The following KIAA1217 variants were observed in gnomAD, a reference collection of about 807,000 sequenced individuals.
KIAA1217 encodes the protein sickle tail protein homolog.
In KIAA1217, 88 loss-of-function variants were observed where a neutral mutation model predicts 163.9. The observed-to-expected ratio is 0.54, with a 90% CI of 0.45 to 0.64. The LOEUF (loss-of-function observed/expected upper bound fraction) is 0.64. Among genes scored for constraint, KIAA1217 ranks in the 30% least tolerant of loss-of-function variants. KIAA1217 has a pLI of 0.00. For synonymous variants in KIAA1217, 903 were observed against 923.1 expected, an observed-to-expected ratio of 0.98 and a Z score of 0.39; for missense variants, 2,372 against 2,475.0, an observed-to-expected ratio of 0.96 and a Z score of 0.88.
At chr10:24,118,160 A>C (rs1273681047) in intron 2 of KIAA1217, among the ~76,000 whole-genome samples, 2 of 151,980 alleles carry the variant, frequency 1.3e-5, no homozygotes, top group Non-Finnish European at 2.9e-5. Flanking sequence ...TTAAAAAAAA[A>C]AAAAAAAAGA....
At chr10:23,792,556 G>T (rs921957000) in intron 1 of KIAA1217, among the ~76,000 whole-genome samples, 4 of 151,380 alleles carry the variant, frequency 2.6e-5, no homozygotes, top group African/African-American at 9.7e-5. Flanking sequence ...GCAGTGATGC[G>T]ATCTTGGCTC....
chr10:23,799,201 A>C (rs1414605362), intron 1 of KIAA1217, among the ~76,000 whole-genome samples: 1 of 152,106 alleles, frequency 6.6e-6, no homozygotes, highest in Non-Finnish European at 1.5e-5. Flanking sequence ...TTGAGGCCCA[A>C]CCCTAACAAC....
intron 5 of KIAA1217, among the ~76,000 whole-genome samples, chr10:24,463,715 A>G (rs16924790): frequency 0.011 from 1,681 of 152,368 alleles, 36 homozygotes; most frequent in African/African-American, 0.038. Flanking sequence ...TCACAATACT[A>G]TTGGCCTTGC....
chr10:24,346,256 G>C (rs954153808), intron 2 of KIAA1217, among the ~76,000 whole-genome samples: 1 of 152,078 alleles, frequency 6.6e-6, no homozygotes, highest in African/African-American at 2.4e-5. Context: ...ACCAGGTCCG[G>C]AGATCGAGAC....
chr10:24,063,850 C>A (rs562291287), intron 2 of KIAA1217, among the ~76,000 whole-genome samples: 65 of 152,292 alleles, frequency 4.3e-4, no homozygotes, highest in African/African-American at 1.5e-3. Flanking sequence ...TTGAAGAAGT[C>A]CTTCACATCC....
chr10:23,737,051 A>T (rs1838846722), intron 1 of KIAA1217, among the ~76,000 whole-genome samples: 1 of 152,216 alleles, frequency 6.6e-6, no homozygotes, highest in Non-Finnish European at 1.5e-5. Context: ...ACCCGTGAAC[A>T]TGGTTTCTTT....
intron 2 of KIAA1217, among the ~76,000 whole-genome samples, chr10:24,013,360 C>T (rs1589233709): frequency 6.6e-6 from 1 of 151,566 alleles, no homozygotes; most frequent in African/African-American, 2.4e-5. Flanking sequence ...TTTCAATATA[C>T]ATCTATATAT....
chr10:24,092,406 C>G (rs553771672), intron 2 of KIAA1217, among the ~76,000 whole-genome samples: 2 of 151,610 alleles, frequency 1.3e-5, no homozygotes, highest in South Asian at 4.2e-4. Context: ...CCCAGCAATC[C>G]CACTCCCAAC....
At chr10:24,196,963 C>G (rs1327593949) in intron 2 of KIAA1217, among the ~76,000 whole-genome samples, 1 of 152,156 alleles carries the variant, frequency 6.6e-6, no homozygotes, top group Non-Finnish European at 1.5e-5. Flanking sequence ...TCTGGAGTGC[C>G]TACTATATGC....
intron 2 of KIAA1217, among the ~76,000 whole-genome samples, chr10:24,114,628 G>A (rs1009188676): frequency 1.3e-5 from 2 of 152,160 alleles, no homozygotes; most frequent in African/African-American, 2.4e-5. Context: ...GAACAGACAC[G>A]AGAAATTAAC....
At chr10:23,765,941 T>C (rs1834497471) in intron 1 of KIAA1217, among the ~76,000 whole-genome samples, 1 of 152,234 alleles carries the variant, frequency 6.6e-6, no homozygotes, top group Non-Finnish European at 1.5e-5. Context: ...TGTTTGCTAC[T>C]TTCAAATTTC....
chr10:23,932,044 G>A (rs1843273986), intron 1 of KIAA1217, among the ~76,000 whole-genome samples: 1 of 152,182 alleles, frequency 6.6e-6, no homozygotes. Flanking sequence ...AGGGCAGGGA[G>A]AGAGCAGAAG....
intron 5 of KIAA1217, among the ~76,000 whole-genome samples, chr10:24,449,987 T>C (rs2061264890): frequency 6.6e-6 from 1 of 152,254 alleles, no homozygotes; most frequent in East Asian, 1.9e-4. Flanking sequence ...TAAACTGGGC[T>C]GGTCTTCAAT....
At chr10:24,087,419 A>G (rs768699655) in intron 2 of KIAA1217, among the ~76,000 whole-genome samples, 7 of 152,192 alleles carry the variant, frequency 4.6e-5, no homozygotes, top group Non-Finnish European at 7.3e-5. Context: ...CTAAGAAATT[A>G]TTTTAATGTT....
At chr10:24,111,922 C>A (rs1367842877) in intron 2 of KIAA1217, among the ~76,000 whole-genome samples, 1 of 152,088 alleles carries the variant, frequency 6.6e-6, no homozygotes, top group Non-Finnish European at 1.5e-5. Flanking sequence ...CACACACCAC[C>A]ATACTCAGCT....
intron 1 of KIAA1217, among the ~76,000 whole-genome samples, chr10:23,978,103 G>T (rs1022971253): frequency 1.3e-5 from 2 of 152,122 alleles, no homozygotes; most frequent in Non-Finnish European, 2.9e-5. Context: ...ACTGATAAGG[G>T]AGTTGGGTGA....
intron 2 of KIAA1217, among the ~76,000 whole-genome samples, chr10:24,067,456 C>T (rs1381734009): frequency 6.6e-5 from 10 of 152,252 alleles, no homozygotes; most frequent in African/African-American, 9.6e-5. Context: ...TGCAGAACAG[C>T]GGATATTGGT....
At chr10:23,782,543 C>A (rs548769149) in intron 1 of KIAA1217, among the ~76,000 whole-genome samples, 21 of 152,286 alleles carry the variant, frequency 1.4e-4, no homozygotes, top group Non-Finnish European at 2.9e-4. Context: ...AGTAATTCTC[C>A]TGCCTCAGTC....
intron 1 of KIAA1217, among the ~76,000 whole-genome samples, chr10:23,838,093 A>G (rs1838579565): frequency 6.6e-6 from 1 of 152,158 alleles, no homozygotes; most frequent in Non-Finnish European, 1.5e-5. Flanking sequence ...TGCAACTAGG[A>G]CACATTATAA....
Sources: gnomAD v4.1 joint callset for allele counts (sites outside exome capture counted in the v4.1 genomes callset) on GRCh38, gnomAD v4.1.1 for gene constraint, MANE v1.5 for transcripts, NCBI Gene and HGNC (gene_info 2026-07-23, HGNC 2026-07-21) for gene names.